The following SOX6 variants were observed in gnomAD, a reference collection of about 807,000 sequenced individuals.
SOX6 encodes the protein transcription factor SOX-6.
SOX6 carries 11 observed loss-of-function variants against 97.8 expected under a neutral mutation model. The observed-to-expected ratio is 0.11, with a 90% confidence interval of 0.07 to 0.19. The LOEUF (loss-of-function observed/expected upper bound fraction) is 0.19. Among genes scored for constraint, SOX6 ranks in the 10% least tolerant of loss-of-function variants. The pLI, the probability that SOX6 is intolerant of heterozygous loss-of-function variation, is 1.00. For synonymous variants in SOX6, 360 were observed against 371.4 expected, an observed-to-expected ratio of 0.97 and a Z score of 0.35; for missense variants, 810 against 1,039.5, an observed-to-expected ratio of 0.78 and a Z score of 3.04.
In SOX6 at chr11:16,183,772, C is replaced by T. The variant is rs1197029667; in HGVS notation, c.777+114G>A. On this transcript the variant is annotated intron_variant, in intron 6 of 15. Coordinates refer to ENST00000683767, the MANE Select transcript of SOX6 (RefSeq NM_001367873.1). Reference sequence around the variant, plus strand: ...GAATTGTGCACAACATCCTTGAAAACAGCCTTATTGGTGCTGTTTATAAGA... The same window carrying T: ...GAATTGTGCACAACATCCTTGAAAATAGCCTTATTGGTGCTGTTTATAAGA... The T allele has an allele frequency of 6.6e-5, 57 of 857,872 alleles. No individual in the cohort carries two copies. The Admixed American group carries it at 1.1e-3, about 17-fold the overall frequency. The allele number at this position is 857,872 out of a possible 1,614,324, so 53.1% of individuals were successfully genotyped here. A position where few individuals can be genotyped will look rare whatever the true frequency, so the allele number is the denominator to read the frequency against.
chr11:16,593,086 A>C (rs1055712947), intron 4 of SOX6, among the ~76,000 whole-genome samples: 8 of 152,320 alleles, frequency 5.3e-5, no homozygotes, highest in Non-Finnish European at 7.4e-5. Context: ...GATAAGCATA[A>C]AGCACATATA....
intron 3 of SOX6, among the ~76,000 whole-genome samples, chr11:16,625,074 C>T (rs1848604401): frequency 6.6e-6 from 1 of 152,132 alleles, no homozygotes; most frequent in Non-Finnish European, 1.5e-5. Flanking sequence ...GCTGTGACTC[C>T]TCTATTCATT....
intron 4 of SOX6, among the ~76,000 whole-genome samples, chr11:16,552,890 C>T (rs1224646820): frequency 6.6e-6 from 1 of 151,780 alleles, no homozygotes; most frequent in Non-Finnish European, 1.5e-5. Context: ...AGTTGGAGAA[C>T]CAGGAAAATT....
At chr11:16,596,012 T>C (rs1848209470) in intron 4 of SOX6, among the ~76,000 whole-genome samples, 1 of 152,188 alleles carries the variant, frequency 6.6e-6, no homozygotes, top group African/African-American at 2.4e-5. Flanking sequence ...AGTTATGATA[T>C]ACACCAACTT....
chr11:16,210,557 A>T (rs1590031705), intron 4 of SOX6, among the ~76,000 whole-genome samples: 2 of 152,224 alleles, frequency 1.3e-5, no homozygotes, highest in South Asian at 2.1e-4. Context: ...TCTAAAATTG[A>T]TGGTGGCAGA....
intron 7 of SOX6, among the ~76,000 whole-genome samples, chr11:16,102,573 C>T (rs957052165): frequency 6.6e-6 from 1 of 151,686 alleles, no homozygotes; most frequent in East Asian, 1.9e-4. Context: ...TAGCCAAAGA[C>T]AGACTAAGCA....
chr11:16,091,869 T>G (rs2133968630), intron 9 of SOX6, among the ~76,000 whole-genome samples: 1 of 152,186 alleles, frequency 6.6e-6, no homozygotes, highest in East Asian at 1.9e-4. Flanking sequence ...CATACTATCA[T>G]TATAAGAAAT....
At chr11:16,699,187 T>G (rs1483652816) in intron 3 of SOX6, among the ~76,000 whole-genome samples, 1 of 152,226 alleles carries the variant, frequency 6.6e-6, no homozygotes, top group African/African-American at 2.4e-5. Context: ...TTATAGTAAA[T>G]GTTTAGCATA....
intron 3 of SOX6, among the ~76,000 whole-genome samples, chr11:16,688,688 T>C (rs2134034447): frequency 6.6e-6 from 1 of 152,332 alleles, no homozygotes; most frequent in South Asian, 2.1e-4. Flanking sequence ...TAGAATACCA[T>C]CATAACTATT....
chr11:16,475,755 G>A (rs1860233021), intron 1 of SOX6, among the ~76,000 whole-genome samples: 1 of 152,240 alleles, frequency 6.6e-6, no homozygotes, highest in South Asian at 2.1e-4. Context: ...GGTGCCGATA[G>A]ACTTGCCCAA....
intron 3 of SOX6, among the ~76,000 whole-genome samples, chr11:16,267,365 A>G (rs1854111774): frequency 6.6e-6 from 1 of 151,608 alleles, no homozygotes; most frequent in African/African-American, 2.4e-5. Context: ...AAATAATTTG[A>G]TTAAGAAATA....
chr11:16,732,078 G>A (rs572585718), intron 2 of SOX6, among the ~76,000 whole-genome samples: 20 of 152,114 alleles, frequency 1.3e-4, no homozygotes, highest in Non-Finnish European at 2.6e-4. Context: ...CACTGCTCAA[G>A]GAAATAAGAG....
chr11:16,454,169 A>G (rs1859770713), intron 1 of SOX6, among the ~76,000 whole-genome samples: 1 of 152,070 alleles, frequency 6.6e-6, no homozygotes, highest in African/African-American at 2.4e-5. Context: ...TACATAACTC[A>G]CGTACCAGGA....
intron 2 of SOX6, among the ~76,000 whole-genome samples, chr11:16,323,756 T>C (rs1201508189): frequency 1.3e-5 from 2 of 152,172 alleles, no homozygotes; most frequent in African/African-American, 2.4e-5. Context: ...CATGTAATTG[T>C]CATATCTGTA....
intron 3 of SOX6, among the ~76,000 whole-genome samples, chr11:16,663,734 A>G (rs2134020462): frequency 6.6e-6 from 1 of 152,352 alleles, no homozygotes; most frequent in African/African-American, 2.4e-5. Context: ...TTAGCAGCAA[A>G]CAATTAGAAA....
intron 12 of SOX6, among the ~76,000 whole-genome samples, chr11:16,021,825 G>T (rs1255831430): frequency 6.6e-6 from 1 of 152,054 alleles, no homozygotes; most frequent in Non-Finnish European, 1.5e-5. Context: ...AAGCAGGGAA[G>T]AATGCCACCC....
chr11:16,203,356 A>G (rs184246544), intron 4 of SOX6, among the ~76,000 whole-genome samples: 1 of 152,278 alleles, frequency 6.6e-6, no homozygotes, highest in East Asian at 1.9e-4. Flanking sequence ...GCATTACAGC[A>G]CTCTTCTACA....
intron 4 of SOX6, among the ~76,000 whole-genome samples, chr11:16,508,824 A>G (rs1860832993): frequency 6.6e-6 from 1 of 152,136 alleles, no homozygotes; most frequent in Non-Finnish European, 1.5e-5. Flanking sequence ...AATAGCTGGA[A>G]GAGAGGACTT....
chr11:16,237,761 A>T (rs1222239503), intron 3 of SOX6, among the ~76,000 whole-genome samples: 3 of 152,194 alleles, frequency 2.0e-5, no homozygotes, highest in East Asian at 1.9e-4. Flanking sequence ...ATTTGAAAAC[A>T]ATTAACTAAT....
Sources: gnomAD v4.1 joint callset for allele counts (sites outside exome capture counted in the v4.1 genomes callset) on GRCh38, gnomAD v4.1.1 for gene constraint, MANE v1.5 for transcripts, NCBI Gene and HGNC (gene_info 2026-07-23, HGNC 2026-07-21) for gene names.